The following COL4A5 variants were observed in gnomAD, a reference collection of about 807,000 sequenced individuals.
COL4A5 encodes collagen alpha-5(IV) chain.
COL4A5 carries 26 observed loss-of-function variants against 130.2 expected under a neutral mutation model. The observed-to-expected ratio is 0.20, with a 90% CI of 0.15 to 0.28. The LOEUF (loss-of-function observed/expected upper bound fraction) is 0.28. COL4A5 is among the 10% of genes least tolerant of loss of function. The pLI is 1.00. For synonymous variants in COL4A5, 496 were observed against 439.6 expected, an observed-to-expected ratio of 1.13 and a Z score of -1.60; for missense variants, 1,131 against 1,344.3, an observed-to-expected ratio of 0.84 and a Z score of 2.48.
intron 1 of COL4A5, among the ~76,000 whole-genome samples, chrX:108,528,313 A>G (rs1241082195): frequency 8.9e-6 from 1 of 112,450 alleles, no homozygotes; most frequent in African/African-American, 3.2e-5. Context: ...AGCACTATGA[A>G]CAGAATCAAA....
At chrX:108,603,238 TC>T in intron 28 of COL4A5, among the ~76,000 whole-genome samples, 177 bp downstream of exon 28, 1 of 95,515 alleles carries the variant, frequency 1.0e-5, no homozygotes, top group South Asian at 5.1e-4. Flanking sequence ...TCTTTAATAG[TC>T]CAAGGTCACA....
At chrX:108,485,032 C>A (rs768746304) in intron 1 of COL4A5, among the ~76,000 whole-genome samples, 1 of 112,325 alleles carries the variant, frequency 8.9e-6, no homozygotes, top group Non-Finnish European at 1.9e-5. Context: ...CTTTCCCACT[C>A]TTCTCTGCCC....
At chrX:108,577,041 T>G (rs2066161718) in intron 10 of COL4A5, among the ~76,000 whole-genome samples, 1 of 111,070 alleles carries the variant, frequency 9.0e-6, no homozygotes, top group Non-Finnish European at 1.9e-5. Flanking sequence ...TTCCTTGAAT[T>G]AACGCTAATT....
At chrX:108,500,346 G>T (rs2065069130) in intron 1 of COL4A5, among the ~76,000 whole-genome samples, 1 of 111,688 alleles carries the variant, frequency 9.0e-6, no homozygotes, top group Non-Finnish European at 1.9e-5. Context: ...TTGGGACGAG[G>T]TCCAGGTTTT....
intron 1 of COL4A5, among the ~76,000 whole-genome samples, chrX:108,517,808 C>T (rs922187462): frequency 9.0e-6 from 1 of 111,496 alleles, no homozygotes; most frequent in African/African-American, 3.2e-5. Flanking sequence ...AAAAATACAT[C>T]TTATTTGCCT....
chrX:108,627,968 A>G, intron 36 of COL4A5, among the ~76,000 whole-genome samples: 1 of 111,040 alleles, frequency 9.0e-6, no homozygotes, highest in Non-Finnish European at 1.9e-5. Flanking sequence ...ACATGAAATG[A>G]TGCTGGACCT....
chrX:108,594,461 A>C (rs1020717618), intron 21 of COL4A5, among the ~76,000 whole-genome samples: 1 of 111,219 alleles, frequency 9.0e-6, no homozygotes, highest in Non-Finnish European at 1.9e-5. Flanking sequence ...AAGTTATAAC[A>C]TGTTGCTTTT....
chrX:108,591,420 G>A, intron 20 of COL4A5, 141 bp from the exon 21 acceptor site: 1 of 629,867 alleles, frequency 1.6e-6, no homozygotes, highest in Non-Finnish European at 2.6e-6. Flanking sequence ...GTATTTATCA[G>A]CAATGTTATA....
In COL4A5 at chrX:108,695,424, T is replaced by G. The variant is rs757722534; in HGVS notation, c.4979T>G (p.Val1660Gly). ...AGCTTTTGGCTGGCAACTGTAGATG[T>G]GTCAGACATGTTCAGGTAAAGTGCT... ...SYSFWLATVD[V>G]SDMFSKPQSE... Residue 1660 changes from valine (V) to glycine (G), a missense_variant, in exon 52 of 53, where the codon GTG becomes GGG. By Grantham distance (109) the Val-to-Gly change is moderately radical. Transcript: ENST00000328300. 1 of 1,209,349 alleles carries G rather than the reference T, an allele frequency of 8.3e-7. No individual in the cohort carries two copies. The highest frequency in any genetic ancestry group is 1.8e-5 in the African/African-American group (1 of 57,071).
At chrX:108,530,443 C>T (rs753407948) in intron 1 of COL4A5, among the ~76,000 whole-genome samples, 8 of 102,451 alleles carry the variant, frequency 7.8e-5, no homozygotes, top group South Asian at 8.9e-4. Flanking sequence ...AGAAAATTTT[C>T]GCAACCTACT....
In COL4A5 at chrX:108,539,775, G is replaced by A. The variant is rs765197123; in HGVS notation, c.111G>A (p.Lys37=). Residue 37 remains lysine, a synonymous_variant, in exon 2 of 53, where the codon AAG becomes AAA. Coordinates refer to ENST00000328300, the MANE Select transcript of COL4A5 (RefSeq NM_033380.3). ...AACYGCSPGS[K]CDCSGIKGEK... is the part of the protein sequence containing the mutation. The stretch of plus-strand genomic sequence containing the variant: ...GCTATGGGTGTTCTCCAGGATCAAA[G>A]TGTGACTGCAGTGGCATAAAAGGGG... The A allele has an allele frequency of 5.0e-6, 6 of 1,207,799 alleles. No homozygotes were observed. Among genetic ancestry groups the A allele is most frequent in the Admixed American group, 4.4e-5 (2 of 45,616 alleles).
intron 1 of COL4A5, among the ~76,000 whole-genome samples, chrX:108,493,581 T>C (rs924136666): frequency 9.0e-6 from 1 of 111,197 alleles, no homozygotes; most frequent in African/African-American, 3.3e-5. Context: ...GTAGAAATCA[T>C]AAGGGAATAG....
At chrX:108,467,509 A>G (rs918508206) in intron 1 of COL4A5, among the ~76,000 whole-genome samples, 6 of 111,683 alleles carry the variant, frequency 5.4e-5, no homozygotes, top group African/African-American at 2.0e-4. Context: ...ATGAATTTGA[A>G]GATTGACTTT....
intron 20 of COL4A5, 99 bp from the exon 21 acceptor site, chrX:108,591,462 T>A (rs1342615623): frequency 1.4e-6 from 1 of 738,454 alleles, no homozygotes; most frequent in African/African-American, 2.1e-5. Flanking sequence ...CTTTTATTTC[T>A]TCAGAGAATA....
At chrX:108,514,313 T>C (rs1324129587) in intron 1 of COL4A5, among the ~76,000 whole-genome samples, 1 of 112,595 alleles carries the variant, frequency 8.9e-6, no homozygotes, top group Non-Finnish European at 1.9e-5. Context: ...AAAGTCATTT[T>C]AAAGTCAGTT....
intron 44 of COL4A5, among the ~76,000 whole-genome samples, chrX:108,680,401 A>G (rs956013617): frequency 2.7e-5 from 3 of 111,595 alleles, no homozygotes; most frequent in African/African-American, 9.8e-5. Flanking sequence ...CCAGGGGTAT[A>G]TTTTAACAAT....
intron 42 of COL4A5, among the ~76,000 whole-genome samples, chrX:108,671,216 T>C (rs1363240638): frequency 8.9e-6 from 1 of 111,969 alleles, no homozygotes; most frequent in East Asian, 2.8e-4. Context: ...GCCACAAATA[T>C]TTGAATGTAT....
At position 108,464,988 on chromosome X, in the gene COL4A5, C is replaced by G. The variant is rs139164222; in HGVS notation, c.81+24782C>G. On this transcript the variant is annotated intron_variant, in intron 1 of 52. Coordinates refer to ENST00000328300, the MANE Select transcript of COL4A5 (RefSeq NM_033380.3). ...TTTAATGATTGACAAATGTGCACAC[C>G]CACAACATTTTCAATATTGAGCAGT... Among the ~76,000 whole-genome samples, 116 of 111,712 alleles carry G rather than the reference C, an allele frequency of 1.0e-3. 4 individuals are homozygous for G. The East Asian group carries it at 0.031, about 30-fold the overall frequency.
At chrX:108,522,866 T>TA (rs77650810) in intron 1 of COL4A5, among the ~76,000 whole-genome samples, 3 of 100,572 alleles carry the variant, frequency 3.0e-5, no homozygotes, top group African/African-American at 7.4e-5. Flanking sequence ...TAAACAAAGG[T>TA]AAAAAAAAAA....
Sources: gnomAD v4.1 joint callset for allele counts (sites outside exome capture counted in the v4.1 genomes callset) on GRCh38, gnomAD v4.1.1 for gene constraint, MANE v1.5 for transcripts, NCBI Gene and HGNC (gene_info 2026-07-23, HGNC 2026-07-21) for gene names.